Variants in DOCK4 observed in about 807,000 individuals in gnomAD.
DOCK4 encodes the protein dedicator of cytokinesis 4.
Under a neutral mutation model 268.1 loss-of-function variants are expected in DOCK4, and 97 were observed. The observed-to-expected ratio is 0.36, with a 90% CI of 0.31 to 0.43. The LOEUF is 0.43. Among genes scored for constraint, DOCK4 ranks in the 20% least tolerant of loss-of-function variants. The probability of loss-of-function intolerance (pLI) is 1.00; values close to 1 mark genes in which losing one functional copy is unlikely to be tolerated. For missense variants in DOCK4, 2,145 were observed against 2,455.7 expected (o/e 0.87, Z 2.67); for synonymous variants, 954 against 887.2 (o/e 1.08, Z -1.34).
intron 10 of DOCK4, among the ~76,000 whole-genome samples, 154 bp from the exon 11 acceptor site, chr7:111,940,396 C>A (rs74866281): frequency 0.088 from 13,444 of 152,156 alleles, 822 homozygotes; most frequent in East Asian, 0.36. Context: ...TGCTTCAGTT[C>A]TGGATTCTCC....
intron 1 of DOCK4, among the ~76,000 whole-genome samples, chr7:112,184,307 C>T (rs1451608466): frequency 1.3e-5 from 2 of 152,158 alleles, no homozygotes. Context: ...ACACCACTTG[C>T]TAATATAACT....
intron 1 of DOCK4, among the ~76,000 whole-genome samples, chr7:112,027,672 C>T (rs1246969809): frequency 6.6e-6 from 1 of 152,204 alleles, no homozygotes; most frequent in Non-Finnish European, 1.5e-5. Context: ...GGAAGACTCA[C>T]GTGCTAAGAA....
chr7:112,183,001 A>C (rs1030023560), intron 1 of DOCK4, among the ~76,000 whole-genome samples: 1 of 152,192 alleles, frequency 6.6e-6, no homozygotes, highest in Non-Finnish European at 1.5e-5. Flanking sequence ...GGACACAAAC[A>C]GCATCACTGT....
intron 13 of DOCK4, among the ~76,000 whole-genome samples, chr7:111,904,028 C>A (rs1357777907): frequency 6.6e-6 from 1 of 152,140 alleles, no homozygotes; most frequent in Non-Finnish European, 1.5e-5. Flanking sequence ...CTAAGTGTTT[C>A]TTGGGAAGGT....
intron 1 of DOCK4, among the ~76,000 whole-genome samples, chr7:112,051,260 T>A (rs1401076765): frequency 6.6e-6 from 1 of 152,090 alleles, no homozygotes; most frequent in African/African-American, 2.4e-5. Flanking sequence ...GTATCAAGAC[T>A]CTGGGGTGGA....
intron 6 of DOCK4, among the ~76,000 whole-genome samples, chr7:111,985,665 A>T (rs1196593309): frequency 3.9e-5 from 6 of 152,204 alleles, no homozygotes; most frequent in Non-Finnish European, 8.8e-5. Flanking sequence ...ATAGTAAAAC[A>T]GTTTCTCAAT....
chr7:111,735,434 T>G (rs1046246205), intron 50 of DOCK4, among the ~76,000 whole-genome samples: 1 of 152,202 alleles, frequency 6.6e-6, no homozygotes, highest in African/African-American at 2.4e-5. Context: ...TAAAACTTGC[T>G]GAGAATTACA....
intron 1 of DOCK4, among the ~76,000 whole-genome samples, chr7:112,035,802 C>T (rs1259999257): frequency 1.3e-5 from 2 of 151,918 alleles, no homozygotes; most frequent in Non-Finnish European, 1.5e-5. Flanking sequence ...TTAAAAAAAG[C>T]TCTCCAGAAT....
chr7:111,790,332 C>T, intron 31 of DOCK4, 125 bp downstream of exon 31: 1 of 1,164,472 alleles, frequency 8.6e-7, no homozygotes, highest in Non-Finnish European at 1.2e-6. Context: ...GTGGATAGGC[C>T]AGGCTGGAAT....
In DOCK4 at chr7:112,025,930, C is replaced by A. The variant is rs937371887; in HGVS notation, c.38-21799G>T. On this transcript the variant is annotated intron_variant, in intron 1 of 52. Coordinates refer to ENST00000428084, the MANE Select transcript of DOCK4 (RefSeq NM_001363540.2). ...TCCTACACAAGCATACAGCCAACTC[C>A]CCCAACCCTGGGGCTTCACCTTGGA... 1.1e-4 allele frequency among the ~76,000 whole-genome samples: 17 copies of A among 152,310 alleles called. No individual in the cohort carries two copies. The South Asian group carries it at 3.3e-3, about 30-fold the overall frequency.
chr7:111,766,568 C>G (rs1019553753), intron 38 of DOCK4, among the ~76,000 whole-genome samples: 1 of 152,070 alleles, frequency 6.6e-6, no homozygotes, highest in African/African-American at 2.4e-5. Context: ...GGTACTGAAA[C>G]GTTGATCTAA....
chr7:112,174,944 T>TTC (rs975939594), intron 1 of DOCK4, among the ~76,000 whole-genome samples: 1 of 126,192 alleles, frequency 7.9e-6, no homozygotes, highest in African/African-American at 2.6e-5. Flanking sequence ...TGGAACTTTT[T>TTC]TTTTTTTTTT....
At chr7:112,143,820 T>C (rs1184284644) in intron 1 of DOCK4, among the ~76,000 whole-genome samples, 2 of 152,146 alleles carry the variant, frequency 1.3e-5, no homozygotes, top group Non-Finnish European at 2.9e-5. Flanking sequence ...ACATCATTCA[T>C]CTCCTCCTCT....
chr7:111,825,342 G>C (rs1802310502), intron 26 of DOCK4, among the ~76,000 whole-genome samples: 1 of 152,054 alleles, frequency 6.6e-6, no homozygotes, highest in Admixed American at 6.6e-5. Context: ...TCCAATACTC[G>C]AAAGCAATAT....
At chr7:111,993,136 T>C (rs1363553839) in intron 5 of DOCK4, among the ~76,000 whole-genome samples, 1 of 152,200 alleles carries the variant, frequency 6.6e-6, no homozygotes, top group Non-Finnish European at 1.5e-5. Context: ...AGTGACTTTG[T>C]CAGATTTTCT....
intron 36 of DOCK4, 140 bp downstream of exon 36, chr7:111,778,136 A>T (rs1798567808): frequency 3.5e-6 from 2 of 578,506 alleles, no homozygotes; most frequent in African/African-American, 1.9e-5. Flanking sequence ...AATCTGCAGA[A>T]ATATATATCC....
At position 111,766,139 on chromosome 7, in the gene DOCK4, A is replaced by G. The variant is rs139120113; in HGVS notation, c.3915+893T>C. 1.2e-3 allele frequency among the ~76,000 whole-genome samples: 178 copies of G among 152,292 alleles called. 1 individual carries two copies. The highest frequency in any genetic ancestry group is 4.1e-3 in the African/African-American group (169 of 41,556). Reference sequence around the variant, plus strand: ...AGTCAACATGATGGACTGAAGTTAAAACAAGCTTTTTCTCTTTCGTTTTCA... The same window carrying G: ...AGTCAACATGATGGACTGAAGTTAAGACAAGCTTTTTCTCTTTCGTTTTCA... On this transcript the variant is annotated intron_variant, in intron 38 of 52. Coordinates refer to ENST00000428084, the MANE Select transcript of DOCK4 (RefSeq NM_001363540.2).
intron 6 of DOCK4, among the ~76,000 whole-genome samples, chr7:111,988,785 C>G (rs1799256262): frequency 6.6e-6 from 1 of 152,170 alleles, no homozygotes; most frequent in East Asian, 1.9e-4. Flanking sequence ...TCCACACCAT[C>G]AAGCCACATA....
chr7:112,066,788 G>A (rs115736495), intron 1 of DOCK4, among the ~76,000 whole-genome samples: 2,565 of 133,534 alleles, frequency 0.019, 127 homozygotes, highest in African/African-American at 0.072. Flanking sequence ...TAACATATTG[G>A]TCACCTGCAA....
Sources: gnomAD v4.1 joint callset for allele counts (sites outside exome capture counted in the v4.1 genomes callset) on GRCh38, gnomAD v4.1.1 for gene constraint, MANE v1.5 for transcripts, NCBI Gene and HGNC (gene_info 2026-07-23, HGNC 2026-07-21) for gene names.